Variants in CLEC16A observed in about 807,000 individuals in gnomAD.
CLEC16A encodes protein CLEC16A.
Under a neutral mutation model 109.5 loss-of-function variants are expected in CLEC16A, and 51 were observed. That is an observed-to-expected ratio of 0.47 (90% CI 0.37 to 0.59). CLEC16A has a LOEUF of 0.59. Ranked by LOEUF, CLEC16A falls within the 20% of genes least tolerant of loss-of-function variation. The pLI is 0.00. For synonymous variants in CLEC16A, 673 were observed against 564.2 expected, an observed-to-expected ratio of 1.19 and a Z score of -2.73; for missense variants, 1,339 against 1,394.0, an observed-to-expected ratio of 0.96 and a Z score of 0.63.
chr16:10,967,103 C>T (rs2042549018), intron 3 of CLEC16A, among the ~76,000 whole-genome samples: 1 of 152,182 alleles, frequency 6.6e-6, no homozygotes, highest in South Asian at 2.1e-4. Context: ...CTACAAACCG[C>T]ACAGCCTGTC....
At position 11,178,489 on chromosome 16, in the gene CLEC16A, G is replaced by C; in HGVS notation, c.2961G>C (p.Arg987=). ...TGTCCCCCAGCCTCGTCCCTGCCCG[G>C]CAGCCCACCATTTCCCTGCTCTGCG... is the stretch of plus-strand genomic sequence containing the variant. ...ASLSPSLVPA[R]QPTISLLCED... is the part of the protein sequence containing the mutation. Residue 987 remains arginine, a synonymous_variant, in exon 24 of 24, where the codon CGG becomes CGC. Coordinates refer to ENST00000409790, the MANE Select transcript of CLEC16A (RefSeq NM_015226.3). The surrounding 1 kb of genome is among the most constrained non-coding windows in gnomAD (Gnocchi z 6.5). 6.2e-7 allele frequency: 1 copy of C among 1,613,582 alleles called. No individual in the cohort carries two copies.
At chr16:11,046,519 C>A (rs1042162363) in intron 16 of CLEC16A, among the ~76,000 whole-genome samples, 1 of 152,040 alleles carries the variant, frequency 6.6e-6, no homozygotes, top group Non-Finnish European at 1.5e-5. Context: ...AGAGATGCAG[C>A]AGTTCTAAGG....
chr16:11,060,312 G>A (rs977597240), intron 18 of CLEC16A, among the ~76,000 whole-genome samples: 31 of 148,722 alleles, frequency 2.1e-4, no homozygotes, highest in Admixed American at 1.8e-3. Context: ...CCAAGGGAGC[G>A]GGAGTTGAAG....
intron 19 of CLEC16A, among the ~76,000 whole-genome samples, chr16:11,111,882 A>G (rs34573672): frequency 0.13 from 19,939 of 152,290 alleles, 1,311 homozygotes; most frequent in African/African-American, 0.15. Context: ...ATAGAATACA[A>G]ATGTTTTAGA....
chr16:11,065,280 A>G (rs1053633620), intron 19 of CLEC16A, among the ~76,000 whole-genome samples: 7 of 151,948 alleles, frequency 4.6e-5, no homozygotes, highest in Non-Finnish European at 8.8e-5. Flanking sequence ...TTATCCATAC[A>G]CCCCAAAGAG....
At chr16:11,176,464 T>G (rs562354615) in intron 23 of CLEC16A, among the ~76,000 whole-genome samples, 5 of 152,276 alleles carry the variant, frequency 3.3e-5, no homozygotes, top group African/African-American at 1.2e-4. Context: ...CTGGGCACGG[T>G]GGTTCACACC....
intron 7 of CLEC16A, 21 bp from the exon 8 acceptor site, chr16:10,977,204 G>C (rs949146966): frequency 6.2e-7 from 1 of 1,609,666 alleles, no homozygotes; most frequent in African/African-American, 1.3e-5. Context: ...TCCAGGCTGA[G>C]GTGGTCATTT....
chr16:11,126,268 A>G, intron 22 of CLEC16A, 122 bp downstream of exon 22: 1 of 1,553,924 alleles, frequency 6.4e-7, no homozygotes, highest in Middle Eastern at 1.7e-4. Context: ...GGCTGGCAGC[A>G]CCAGCTTCTT....
At chr16:11,166,063 C>T (rs1481141551) in intron 22 of CLEC16A, among the ~76,000 whole-genome samples, 4 of 152,166 alleles carry the variant, frequency 2.6e-5, no homozygotes, top group Non-Finnish European at 4.4e-5. Context: ...GAACTTGCCA[C>T]GAGGCTGCAC....
intron 23 of CLEC16A, among the ~76,000 whole-genome samples, chr16:11,171,109 G>T (rs1386714881): frequency 6.6e-6 from 1 of 152,230 alleles, no homozygotes; most frequent in African/African-American, 2.4e-5. Flanking sequence ...CGGGCCGTGG[G>T]CAGGGGGGAG....
intron 11 of CLEC16A, among the ~76,000 whole-genome samples, chr16:11,012,488 G>T (rs527980484): frequency 2.0e-5 from 3 of 151,608 alleles, no homozygotes; most frequent in African/African-American, 7.3e-5. Flanking sequence ...CCAGCTACTC[G>T]GGAGGCTGAG....
At chr16:11,157,947 A>G (rs939115639) in intron 22 of CLEC16A, among the ~76,000 whole-genome samples, 24 of 152,238 alleles carry the variant, frequency 1.6e-4, no homozygotes, top group Non-Finnish European at 2.9e-4. Context: ...AAGCACGAAC[A>G]AGAAGGTTCT....
intron 11 of CLEC16A, among the ~76,000 whole-genome samples, chr16:11,011,839 T>C (rs1012587593): frequency 5.9e-5 from 9 of 152,124 alleles, no homozygotes; most frequent in African/African-American, 2.2e-4. Context: ...GTTTTTTTTT[T>C]CTTGTCCTCT....
intron 22 of CLEC16A, among the ~76,000 whole-genome samples, chr16:11,129,313 C>T (rs1247191671): frequency 1.3e-5 from 2 of 152,202 alleles, no homozygotes; most frequent in African/African-American, 2.4e-5. Flanking sequence ...GCATAACTAA[C>T]ATAGTTTTCT....
intron 19 of CLEC16A, among the ~76,000 whole-genome samples, chr16:11,101,947 T>C (rs1379494526): frequency 4.0e-5 from 6 of 151,114 alleles, no homozygotes; most frequent in Admixed American, 1.3e-4. Flanking sequence ...GGACCACAGG[T>C]GCACACCACC....
intron 10 of CLEC16A, among the ~76,000 whole-genome samples, chr16:11,002,459 G>A (rs1567180220): frequency 1.3e-5 from 2 of 152,174 alleles, no homozygotes; most frequent in Admixed American, 6.5e-5. Flanking sequence ...TAGATCTGGA[G>A]GTGGCATTTG....
At chr16:11,121,471 T>C (rs1232279831) in intron 20 of CLEC16A, among the ~76,000 whole-genome samples, 2 of 152,166 alleles carry the variant, frequency 1.3e-5, no homozygotes, top group Non-Finnish European at 2.9e-5. Context: ...CACTGGCATT[T>C]TTGTGAATTC....
intron 10 of CLEC16A, among the ~76,000 whole-genome samples, chr16:10,983,399 T>C (rs571416024): frequency 6.6e-6 from 1 of 152,236 alleles, no homozygotes; most frequent in Non-Finnish European, 1.5e-5. Flanking sequence ...TTGGAGAGTG[T>C]ATGCCACCTT....
chr16:10,989,411 GT>G (rs1023044499), intron 10 of CLEC16A, among the ~76,000 whole-genome samples: 16 of 151,032 alleles, frequency 1.1e-4, no homozygotes, highest in Admixed American at 9.9e-4. Context: ...TTGTTTTTTT[GT>G]TTTGTGGAGA....
Sources: gnomAD v4.1 joint callset for allele counts (sites outside exome capture counted in the v4.1 genomes callset) on GRCh38, gnomAD v4.1.1 for gene constraint, Gnocchi (gnomAD v3.1) non-coding constraint, MANE v1.5 for transcripts, NCBI Gene and HGNC (gene_info 2026-07-23, HGNC 2026-07-21) for gene names.